Variants in LPAR1 observed in about 807,000 individuals in gnomAD.
LPAR1 encodes the protein LPA receptor 1.
LPAR1 carries 5 observed loss-of-function variants against 23.8 expected under a neutral mutation model. The ratio of observed to expected loss-of-function variants is 0.21; its 90% confidence interval spans 0.11 to 0.44. The LOEUF (loss-of-function observed/expected upper bound fraction) is 0.44. Among genes scored for constraint, LPAR1 ranks in the 20% least tolerant of loss-of-function variants. The probability of loss-of-function intolerance (pLI) is 0.99; values close to 1 mark genes in which losing one functional copy is unlikely to be tolerated. For synonymous variants in LPAR1, 160 were observed against 164.7 expected, an observed-to-expected ratio of 0.97 and a Z score of 0.22; for missense variants, 311 against 482.8, an observed-to-expected ratio of 0.64 and a Z score of 3.33.
intron 5 of LPAR1, among the ~76,000 whole-genome samples, chr9:110,888,872 G>GA (rs1226477606): frequency 6.6e-6 from 1 of 152,116 alleles, no homozygotes; most frequent in Non-Finnish European, 1.5e-5. Context: ...CCTGAAAACT[G>GA]AAAAAATGAA....
chr9:111,035,661 T>C (rs2097880112), intron 2 of LPAR1, among the ~76,000 whole-genome samples: 1 of 152,234 alleles, frequency 6.6e-6, no homozygotes, highest in Non-Finnish European at 1.5e-5. Flanking sequence ...ACATCACAGT[T>C]CAGCTTTTAC....
chr9:110,951,174 C>T (rs528785663), intron 4 of LPAR1, among the ~76,000 whole-genome samples: 34 of 151,794 alleles, frequency 2.2e-4, no homozygotes, highest in African/African-American at 6.5e-4. Context: ...CACAGAAATC[C>T]GTTTCAGGCA....
intron 4 of LPAR1, among the ~76,000 whole-genome samples, chr9:110,962,898 C>G (rs2096057668): frequency 6.6e-6 from 1 of 151,972 alleles, no homozygotes; most frequent in Admixed American, 6.6e-5. Flanking sequence ...GACAGAAATC[C>G]CCTGGACTCT....
At chr9:110,999,286 G>A (rs1364246619) in intron 2 of LPAR1, 4 of 422,028 alleles carry the variant, frequency 9.5e-6, no homozygotes, top group Non-Finnish European at 1.9e-5. Flanking sequence ...ATTAAGTACA[G>A]TGCAGATGGA....
intron 5 of LPAR1, among the ~76,000 whole-genome samples, chr9:110,920,962 C>T (rs1243648885): frequency 6.8e-6 from 1 of 146,776 alleles, no homozygotes; most frequent in Non-Finnish European, 1.5e-5. Flanking sequence ...ATCTCAACAA[C>T]AACAACAAAT....
intron 2 of LPAR1, among the ~76,000 whole-genome samples, chr9:110,976,261 T>C (rs980361772): frequency 2.0e-5 from 3 of 149,672 alleles, no homozygotes; most frequent in African/African-American, 7.4e-5. Context: ...GAGACGCCGA[T>C]GTGGGTGGAT....
intron 4 of LPAR1, among the ~76,000 whole-genome samples, chr9:110,955,149 G>T (rs1471624171): frequency 1.3e-5 from 2 of 152,262 alleles, no homozygotes; most frequent in African/African-American, 4.8e-5. Context: ...CTGGCTGAAT[G>T]GATTTAAAAA....
chr9:110,966,978 AGTTT>A (rs2096248635), intron 4 of LPAR1, among the ~76,000 whole-genome samples: 1 of 152,148 alleles, frequency 6.6e-6, no homozygotes, highest in African/African-American at 2.4e-5. Context: ...GAGAGCTGCA[AGTTT>A]GTTTGGTTTC....
chr9:110,890,507 G>T (rs563139316), intron 5 of LPAR1, among the ~76,000 whole-genome samples: 2 of 152,260 alleles, frequency 1.3e-5, no homozygotes, highest in African/African-American at 4.8e-5. Context: ...CTACAGATTA[G>T]TTTTTCTCAG....
intron 4 of LPAR1, among the ~76,000 whole-genome samples, chr9:110,962,755 A>C (rs2137463150): frequency 6.6e-6 from 1 of 152,326 alleles, no homozygotes; most frequent in Middle Eastern, 3.4e-3. Flanking sequence ...AAATGGGATA[A>C]GTTTAACTTA....
At chr9:111,032,485 TA>T (rs1233053137) in intron 2 of LPAR1, among the ~76,000 whole-genome samples, 6 of 152,120 alleles carry the variant, frequency 3.9e-5, no homozygotes, top group Non-Finnish European at 8.8e-5. Flanking sequence ...TCACCCCTAG[TA>T]AAACTAGCAC....
intron 5 of LPAR1, among the ~76,000 whole-genome samples, chr9:110,911,406 G>A (rs1347947231): frequency 5.3e-5 from 8 of 152,112 alleles, no homozygotes; most frequent in Non-Finnish European, 8.8e-5. Flanking sequence ...AGCCAGGCAT[G>A]GTGGTTCACA....
intron 5 of LPAR1, among the ~76,000 whole-genome samples, chr9:110,924,601 G>A (rs1185745739): frequency 6.6e-6 from 1 of 151,964 alleles, no homozygotes; most frequent in Non-Finnish European, 1.5e-5. Context: ...GGAGGCTGAG[G>A]CAGGAGGATC....
chr9:110,888,187 T>C (rs1432165324), intron 5 of LPAR1, among the ~76,000 whole-genome samples: 1 of 152,210 alleles, frequency 6.6e-6, no homozygotes, highest in Non-Finnish European at 1.5e-5. Context: ...CATTTACCAA[T>C]GTTTTGACAT....
intron 5 of LPAR1, among the ~76,000 whole-genome samples, chr9:110,908,400 A>G (rs1278842756): frequency 6.6e-6 from 1 of 151,330 alleles, no homozygotes; most frequent in Non-Finnish European, 1.5e-5. Flanking sequence ...TAAAATTTAA[A>G]TGTACTGAAT....
chr9:110,965,645 G>A (rs1441703720), intron 4 of LPAR1, among the ~76,000 whole-genome samples: 8 of 152,222 alleles, frequency 5.3e-5, no homozygotes, highest in Admixed American at 1.3e-4. Flanking sequence ...AGGATGTGGA[G>A]AAATGGGAAC....
rs193192307 is a variant in LPAR1 at position 110,988,191 on chromosome 9, G to A, written c.-181-14633C>T. Among the ~76,000 whole-genome samples, 10 of 152,088 alleles carry A rather than the reference G, an allele frequency of 6.6e-5. No individual in the cohort carries two copies. The East Asian group carries it at 1.7e-3, about 26-fold the overall frequency. On this transcript the variant is annotated intron_variant, in intron 2 of 5. Coordinates refer to ENST00000683809, the MANE Select transcript of LPAR1 (RefSeq NM_001351411.2). Reference sequence around the variant, plus strand: ...ATTTTCAAACATACAAAAGGTGAAAGAATTCATCATAAGCAGACGTTGGAC... The same window carrying A: ...ATTTTCAAACATACAAAAGGTGAAAAAATTCATCATAAGCAGACGTTGGAC...
intron 5 of LPAR1, among the ~76,000 whole-genome samples, chr9:110,914,854 T>C (rs1466217001): frequency 1.3e-5 from 2 of 152,200 alleles, no homozygotes; most frequent in East Asian, 3.9e-4. Flanking sequence ...TCAAAATTAA[T>C]GTTTTAGCTC....
chr9:111,002,533 T>A (rs1007941236), intron 2 of LPAR1, among the ~76,000 whole-genome samples: 1 of 152,186 alleles, frequency 6.6e-6, no homozygotes, highest in Non-Finnish European at 1.5e-5. Flanking sequence ...TGTGGGAACA[T>A]ATTTCTGAAT....
Sources: gnomAD v4.1 joint callset for allele counts (sites outside exome capture counted in the v4.1 genomes callset) on GRCh38, gnomAD v4.1.1 for gene constraint, MANE v1.5 for transcripts, NCBI Gene and HGNC (gene_info 2026-07-23, HGNC 2026-07-21) for gene names.